Variants in PAWR observed in about 807,000 individuals in gnomAD.
The protein encoded by PAWR is pro-apoptotic WT1 regulator, also known as PRKC apoptosis WT1 regulator protein.
PAWR carries 23 observed loss-of-function variants against 32.0 expected under a neutral mutation model. The observed-to-expected ratio is 0.72, with a 90% CI of 0.52 to 1.02. PAWR has a LOEUF of 1.02. PAWR is among the 50% of genes least tolerant of loss of function. The pLI, the probability that PAWR is intolerant of heterozygous loss-of-function variation, is 0.00. For missense variants in PAWR, 457 were observed against 437.7 expected (o/e 1.04, Z -0.39); for synonymous variants, 226 against 187.1 (o/e 1.21, Z -1.70).
chr12:79,676,472 T>G (rs1034764471), intron 2 of PAWR, among the ~76,000 whole-genome samples: 2 of 152,176 alleles, frequency 1.3e-5, no homozygotes. Context: ...ATAAACTGTA[T>G]TCTCTGCTAT....
chr12:79,628,805 GATA>G (rs1393446669), intron 2 of PAWR, among the ~76,000 whole-genome samples: 1 of 151,998 alleles, frequency 6.6e-6, no homozygotes, highest in Non-Finnish European at 1.5e-5. Flanking sequence ...AAGAAAAAAT[GATA>G]ATGACATTTT....
chr12:79,659,427 A>C (rs1394033113), intron 2 of PAWR, among the ~76,000 whole-genome samples: 3 of 152,228 alleles, frequency 2.0e-5, no homozygotes. Context: ...TAACATAAAT[A>C]GGCTTTATTT....
intron 2 of PAWR, among the ~76,000 whole-genome samples, chr12:79,638,166 C>T (rs1876057891): frequency 6.6e-6 from 1 of 151,404 alleles, no homozygotes; most frequent in African/African-American, 2.4e-5. Flanking sequence ...GCCAATATTG[C>T]CCCAGAAAGC....
intron 2 of PAWR, among the ~76,000 whole-genome samples, chr12:79,630,136 A>T (rs1011250311): frequency 6.6e-6 from 1 of 152,042 alleles, no homozygotes; most frequent in Non-Finnish European, 1.5e-5. Flanking sequence ...CAAAATAGAA[A>T]AAATAATGAA....
At chr12:79,654,737 G>C (rs1335804678) in intron 2 of PAWR, among the ~76,000 whole-genome samples, 1 of 152,168 alleles carries the variant, frequency 6.6e-6, no homozygotes, top group African/African-American at 2.4e-5. Flanking sequence ...AGGAGAGTGT[G>C]AGCATGTAGA....
chr12:79,667,874 C>A (rs1272842095), intron 2 of PAWR: 1 of 151,334 alleles, frequency 6.6e-6, no homozygotes, highest in Non-Finnish European at 1.5e-5. Flanking sequence ...ATAATACTAT[C>A]TTATTTCCTT....
intron 4 of PAWR, chr12:79,604,683 G>GT: frequency 7.8e-7 from 1 of 1,288,320 alleles, no homozygotes; most frequent in Non-Finnish European, 1.0e-6. Context: ...CCCACTCCTC[G>GT]TAACAGCTCC....
At chr12:79,621,934 G>T (rs1875038800) in intron 2 of PAWR, among the ~76,000 whole-genome samples, 1 of 152,012 alleles carries the variant, frequency 6.6e-6, no homozygotes, top group Non-Finnish European at 1.5e-5. Context: ...TCCGTTCCTT[G>T]CAACTGAATA....
At chr12:79,664,666 G>GGA (rs1555177478) in intron 2 of PAWR, among the ~76,000 whole-genome samples, 2 of 148,162 alleles carry the variant, frequency 1.3e-5, no homozygotes, top group South Asian at 2.1e-4. Context: ...GGCGGGGGGG[G>GGA]GAGGAGAGAG....
At chr12:79,665,990 A>G (rs765857675) in intron 2 of PAWR, among the ~76,000 whole-genome samples, 1 of 152,238 alleles carries the variant, frequency 6.6e-6, no homozygotes, top group Non-Finnish European at 1.5e-5. Flanking sequence ...GTATCATCAG[A>G]TAACTTGAAA....
chr12:79,648,375 G>C, intron 2 of PAWR, among the ~76,000 whole-genome samples: 1 of 152,042 alleles, frequency 6.6e-6, no homozygotes. Context: ...TAAATGAAGA[G>C]TCATACCCAA....
At chr12:79,621,549 AG>A (rs1284437257) in intron 2 of PAWR, among the ~76,000 whole-genome samples, 1 of 152,170 alleles carries the variant, frequency 6.6e-6, no homozygotes, top group African/African-American at 2.4e-5. Context: ...AAGGTAACAA[AG>A]GATGCATTAA....
At chr12:79,629,671 G>GT (rs1250860425) in intron 2 of PAWR, among the ~76,000 whole-genome samples, 3 of 151,718 alleles carry the variant, frequency 2.0e-5, no homozygotes, top group Non-Finnish European at 2.9e-5. Flanking sequence ...TAAACTATAT[G>GT]TTTGTTTTGT....
chr12:79,621,267 T>TATTTTCACATATTATC, intron 2 of PAWR, 60 bp from the exon 3 acceptor site: 4 of 1,250,306 alleles, frequency 3.2e-6, no homozygotes, highest in Non-Finnish European at 4.5e-6. Flanking sequence ...TTCGATAATA[T>TATTTTCACATATTATC]GTGAAAATAT....
In PAWR at chr12:79,592,709, A is replaced by C. The variant is rs772572217; in HGVS notation, c.937-16T>G. 3 of 724,456 alleles carry C rather than the reference A, an allele frequency of 4.1e-6. No homozygotes were observed. The Admixed American group carries it at 7.2e-5, about 17-fold the overall frequency. The allele number at this position is 724,456 out of a possible 1,614,324, so 44.9% of individuals were successfully genotyped here. On this transcript the variant is annotated splice_polypyrimidine_tract_variant and intron_variant, in intron 6 of 6. Coordinates refer to ENST00000328827, the MANE Select transcript of PAWR (RefSeq NM_002583.4). ...CATCTAGGTCCTTAAGAAAAAAAAA[A>C]GACACTTTAAAAATACTTAAAAATA...
intron 2 of PAWR, among the ~76,000 whole-genome samples, chr12:79,626,183 A>G (rs1173284995): frequency 1.3e-5 from 2 of 148,570 alleles, no homozygotes; most frequent in Non-Finnish European, 1.5e-5. Flanking sequence ...AAAAAAAAAA[A>G]AAGAATACAT....
chr12:79,624,948 T>C (rs796614127), intron 2 of PAWR, among the ~76,000 whole-genome samples: 71 of 152,302 alleles, frequency 4.7e-4, no homozygotes, highest in African/African-American at 1.7e-3. Context: ...AGTATTAGGA[T>C]TGCTGGCTCA....
At chr12:79,641,698 T>C (rs538587366) in intron 2 of PAWR, among the ~76,000 whole-genome samples, 1 of 151,734 alleles carries the variant, frequency 6.6e-6, no homozygotes, top group East Asian at 1.9e-4. Flanking sequence ...AATACAAAAC[T>C]TAGCTGGGCG....
At chr12:79,598,549 G>A (rs763126948) in intron 4 of PAWR, among the ~76,000 whole-genome samples, 6 of 152,042 alleles carry the variant, frequency 3.9e-5, no homozygotes, top group Non-Finnish European at 8.8e-5. Flanking sequence ...GTGACTTCTC[G>A]TTTTAAAAAT....
Sources: allele counts gnomAD v4.1 joint callset (sites outside exome capture counted in the v4.1 genomes callset), GRCh38; gene constraint gnomAD v4.1.1; transcripts MANE v1.5; gene names NCBI Gene and HGNC (gene_info 2026-07-23, HGNC 2026-07-21).